The following GADL1 variants were observed in gnomAD, a reference collection of about 807,000 sequenced individuals.
GADL1 encodes acidic amino acid decarboxylase GADL1.
GADL1 carries 71 observed loss-of-function variants against 69.5 expected under a neutral mutation model. The ratio of observed to expected loss-of-function variants is 1.02; its 90% CI spans 0.84 to 1.25. The LOEUF is 1.25. Ranked by LOEUF, GADL1 falls within the 50% of genes most tolerant of loss-of-function variation. The pLI is 0.00. For synonymous variants in GADL1, 254 were observed against 214.4 expected, an observed-to-expected ratio of 1.18 and a Z score of -1.62; for missense variants, 737 against 631.8, an observed-to-expected ratio of 1.17 and a Z score of -1.79.
chr3:30,875,297 G>A lies in GADL1; in HGVS notation c.38-13532C>T, dbSNP rs540179396. ...AGTGGTAAGCATACTAGGAAGAAAG[G>A]ATTCTGAAACCAATTTTGCAATCTA... On this transcript the variant is annotated intron_variant, in intron 1 of 14. Transcript: ENST00000282538. Among the ~76,000 whole-genome samples, 4 of 151,598 alleles carry A rather than the reference G, an allele frequency of 2.6e-5. No homozygotes were observed. In the South Asian group the frequency reaches 8.4e-4, roughly 32 times the overall value.
intron 14 of GADL1, 55 bp downstream of exon 14, chr3:30,778,124 A>G (rs1277852949): frequency 3.1e-6 from 3 of 959,250 alleles, no homozygotes; most frequent in Non-Finnish European, 5.1e-6. Flanking sequence ...TCAACAGATA[A>G]TGTACACTGA....
chr3:30,884,650 C>A (rs771615414), intron 1 of GADL1, among the ~76,000 whole-genome samples: 1 of 151,972 alleles, frequency 6.6e-6, no homozygotes, highest in African/African-American at 2.4e-5. Context: ...CACTATATTA[C>A]GAGTGATAAA....
chr3:30,860,063 T>G (rs1327603275), intron 2 of GADL1, among the ~76,000 whole-genome samples: 1 of 151,876 alleles, frequency 6.6e-6, no homozygotes, highest in African/African-American at 2.4e-5. Context: ...CCTTCCTGCT[T>G]TCTTCCTCCA....
chr3:30,823,203 C>T (rs1559352714), intron 11 of GADL1, among the ~76,000 whole-genome samples: 1 of 151,716 alleles, frequency 6.6e-6, no homozygotes, highest in Non-Finnish European at 1.5e-5. Context: ...GTTCCTACTC[C>T]AGGACACTTT....
intron 11 of GADL1, among the ~76,000 whole-genome samples, chr3:30,819,729 T>C (rs913649705): frequency 6.6e-6 from 1 of 151,844 alleles, no homozygotes; most frequent in African/African-American, 2.4e-5. Flanking sequence ...AGAAAAGTAA[T>C]TGGAAAAAAT....
chr3:30,761,894 T>TA (rs1393480596), intron 14 of GADL1, among the ~76,000 whole-genome samples: 1 of 152,160 alleles, frequency 6.6e-6, no homozygotes, highest in East Asian at 1.9e-4. Context: ...ACAGGATATA[T>TA]AATATGAAGT....
intron 8 of GADL1, among the ~76,000 whole-genome samples, chr3:30,840,769 G>A (rs545171666): frequency 2.6e-5 from 4 of 152,250 alleles, no homozygotes; most frequent in South Asian, 2.1e-4. Flanking sequence ...AAACTTTTGC[G>A]ATCTGGATTT....
intron 2 of GADL1, among the ~76,000 whole-genome samples, chr3:30,858,577 G>C (rs1414883195): frequency 6.6e-6 from 1 of 151,954 alleles, no homozygotes. Flanking sequence ...TCATCCCAAG[G>C]TTTCCAGCTT....
At chr3:30,763,754 T>C (rs2125487161) in intron 14 of GADL1, among the ~76,000 whole-genome samples, 1 of 149,976 alleles carries the variant, frequency 6.7e-6, no homozygotes. Flanking sequence ...GGTCTAAGCA[T>C]TGTAAGTCTT....
At chr3:30,794,546 T>A (rs1696989941) in intron 12 of GADL1, among the ~76,000 whole-genome samples, 1 of 152,220 alleles carries the variant, frequency 6.6e-6, no homozygotes, top group Non-Finnish European at 1.5e-5. Flanking sequence ...TAATCACATG[T>A]TGCTTTAGGC....
intron 3 of GADL1, among the ~76,000 whole-genome samples, chr3:30,855,898 G>T (rs1575236352): frequency 7.0e-6 from 1 of 142,788 alleles, no homozygotes; most frequent in Non-Finnish European, 1.5e-5. Flanking sequence ...TGTCTTTTCA[G>T]CTTAAACATG....
intron 11 of GADL1, among the ~76,000 whole-genome samples, chr3:30,828,192 C>A (rs1171093625): frequency 6.6e-6 from 1 of 151,962 alleles, no homozygotes; most frequent in Non-Finnish European, 1.5e-5. Flanking sequence ...AATGTACTTT[C>A]TTTCCTTTTT....
intron 12 of GADL1, among the ~76,000 whole-genome samples, chr3:30,793,778 C>G (rs1007988341): frequency 2.6e-5 from 3 of 115,902 alleles, no homozygotes; most frequent in Non-Finnish European, 5.3e-5. Context: ...CAAATAGCCT[C>G]TCCAGTCCCT....
chr3:30,872,347 C>T (rs868676094), intron 1 of GADL1, among the ~76,000 whole-genome samples: 4 of 152,054 alleles, frequency 2.6e-5, no homozygotes, highest in African/African-American at 7.2e-5. Context: ...CCATTAACCA[C>T]TGTCACCCCC....
chr3:30,745,692 C>A (rs2125475008), intron 14 of GADL1, among the ~76,000 whole-genome samples: 1 of 152,266 alleles, frequency 6.6e-6, no homozygotes, highest in Admixed American at 6.5e-5. Flanking sequence ...CTCAGAAGCT[C>A]ATGGCCAATA....
At chr3:30,817,953 C>T (rs879683404) in intron 11 of GADL1, among the ~76,000 whole-genome samples, 25 of 152,138 alleles carry the variant, frequency 1.6e-4, no homozygotes, top group African/African-American at 4.3e-4. Context: ...ACTGGAGATA[C>T]GGAAGATACA....
chr3:30,770,835 C>G (rs897965930), intron 14 of GADL1, among the ~76,000 whole-genome samples: 1 of 151,956 alleles, frequency 6.6e-6, no homozygotes, highest in East Asian at 1.9e-4. Flanking sequence ...GGCTGTTAAG[C>G]TCAAGGAAAG....
intron 5 of GADL1, 74 bp downstream of exon 5, chr3:30,850,761 A>C (rs1027331100): frequency 1.2e-6 from 1 of 811,420 alleles, no homozygotes; most frequent in African/African-American, 1.7e-5. Flanking sequence ...TAAATCTGCA[A>C]GGAGTTGTTC....
chr3:30,760,016 CT>C (rs1323974662), intron 14 of GADL1, among the ~76,000 whole-genome samples: 3 of 152,184 alleles, frequency 2.0e-5, no homozygotes, highest in Non-Finnish European at 4.4e-5. Context: ...CTAATATCTC[CT>C]TTTTACCTGC....
Sources: gnomAD v4.1 joint callset for allele counts (sites outside exome capture counted in the v4.1 genomes callset) on GRCh38, gnomAD v4.1.1 for gene constraint, MANE v1.5 for transcripts, NCBI Gene and HGNC (gene_info 2026-07-23, HGNC 2026-07-21) for gene names.